PDZRN4: variants seen among roughly 807,000 people sequenced by gnomAD.
PDZRN4 encodes the protein PDZ domain-containing RING finger protein 4.
A neutral mutation model predicts 99.0 loss-of-function variants in PDZRN4; 70 were observed. That is an observed-to-expected ratio of 0.71 (90% CI 0.58 to 0.86). PDZRN4 has a LOEUF of 0.86. PDZRN4 is among the 40% of genes least tolerant of loss of function. The probability of loss-of-function intolerance (pLI) is 0.00; values close to 1 mark genes in which losing one functional copy is unlikely to be tolerated. For synonymous variants in PDZRN4, 551 were observed against 501.6 expected (o/e 1.10, Z -1.32); for missense variants, 1,474 against 1,331.2 (o/e 1.11, Z -1.67).
chr12:41,564,031 A>G (rs549245949), intron 8 of PDZRN4, among the ~76,000 whole-genome samples: 10 of 152,300 alleles, frequency 6.6e-5, no homozygotes, highest in Non-Finnish European at 1.2e-4. Context: ...CAAATGAAAA[A>G]TGGCTGTGTG....
intron 3 of PDZRN4, among the ~76,000 whole-genome samples, chr12:41,372,002 A>G (rs753273571): frequency 6.6e-6 from 1 of 152,132 alleles, no homozygotes; most frequent in South Asian, 2.1e-4. Context: ...CTCCTGAGGA[A>G]TGTATTCACC....
chr12:41,282,569 A>G (rs925020145), intron 3 of PDZRN4, among the ~76,000 whole-genome samples: 1 of 152,226 alleles, frequency 6.6e-6, no homozygotes, highest in Non-Finnish European at 1.5e-5. Flanking sequence ...CAGAATATGC[A>G]TTCTTCTCAG....
chr12:41,555,548 GT>G, intron 6 of PDZRN4, 149 bp from the exon 7 acceptor site: 2 of 570,626 alleles, frequency 3.5e-6, no homozygotes, highest in South Asian at 2.8e-5. Flanking sequence ...GAATCAATGA[GT>G]TTTGTTGGAG....
intron 3 of PDZRN4, among the ~76,000 whole-genome samples, chr12:41,503,198 G>A (rs1430683682): frequency 6.6e-6 from 1 of 152,072 alleles, no homozygotes; most frequent in Admixed American, 6.6e-5. Context: ...GCATTTAAAG[G>A]TCATAGACTT....
intron 3 of PDZRN4, among the ~76,000 whole-genome samples, chr12:41,445,838 G>A (rs560186370): frequency 6.6e-6 from 1 of 152,192 alleles, no homozygotes; most frequent in Admixed American, 6.6e-5. Flanking sequence ...TGAATTTAGA[G>A]TAGCACTGGG....
At chr12:41,347,652 TCTAA>T (rs34716014) in intron 3 of PDZRN4, among the ~76,000 whole-genome samples, 44,281 of 151,820 alleles carry the variant, frequency 0.29, 7,353 homozygotes, top group Non-Finnish European at 0.39. Flanking sequence ...ATTTTGACAG[TCTAA>T]CTAATGTATA....
intron 3 of PDZRN4, among the ~76,000 whole-genome samples, chr12:41,288,001 T>A (rs917568690): frequency 6.6e-6 from 1 of 152,226 alleles, no homozygotes; most frequent in Non-Finnish European, 1.5e-5. Context: ...TATTGAAGCA[T>A]GTTAACAGCT....
chr12:41,533,907 T>C (rs1026786915), intron 5 of PDZRN4, among the ~76,000 whole-genome samples: 1 of 152,312 alleles, frequency 6.6e-6, no homozygotes, highest in South Asian at 2.1e-4. Flanking sequence ...TTTATGTGAA[T>C]TGATTGACTA....
intron 3 of PDZRN4, among the ~76,000 whole-genome samples, chr12:41,361,085 G>T (rs1441910512): frequency 6.6e-6 from 1 of 151,860 alleles, no homozygotes; most frequent in Non-Finnish European, 1.5e-5. Flanking sequence ...TGCCTTTACA[G>T]CATGGATTTC....
intron 3 of PDZRN4, among the ~76,000 whole-genome samples, chr12:41,428,172 C>T (rs940477101): frequency 1.3e-5 from 2 of 152,106 alleles, no homozygotes; most frequent in African/African-American, 4.8e-5. Flanking sequence ...TTTATCTGTA[C>T]TTGGTTATAT....
chr12:41,315,358 C>T (rs746213468), intron 3 of PDZRN4, among the ~76,000 whole-genome samples: 2 of 152,044 alleles, frequency 1.3e-5, no homozygotes, highest in Non-Finnish European at 2.9e-5. Context: ...TTTTTTCCCA[C>T]TCTTGTTTAT....
chr12:41,558,239 A>G lies in PDZRN4; in HGVS notation c.1365+2479A>G, dbSNP rs141829759. Among the ~76,000 whole-genome samples the G allele has an allele frequency of 3.0e-4, 46 of 152,340 alleles. No individual in the cohort carries two copies. The East Asian group carries it at 5.8e-3, about 19-fold the overall frequency. ...CATCCAGCATTCATTCCACAATACT[A>G]TAATAGAGTAAAATGCTCAGTGATT... On this transcript the variant is annotated intron_variant, in intron 7 of 9. Transcript: ENST00000402685.
intron 3 of PDZRN4, among the ~76,000 whole-genome samples, chr12:41,357,496 T>A (rs1318602422): frequency 6.6e-6 from 1 of 151,984 alleles, no homozygotes; most frequent in East Asian, 1.9e-4. Context: ...GTCTCAGACT[T>A]ATCTAGGGGC....
chr12:41,548,149 T>C (rs1938989900), intron 5 of PDZRN4, among the ~76,000 whole-genome samples: 1 of 152,188 alleles, frequency 6.6e-6, no homozygotes, highest in South Asian at 2.1e-4. Flanking sequence ...AGTTGGAGGG[T>C]GCAAACCTGA....
intron 3 of PDZRN4, among the ~76,000 whole-genome samples, chr12:41,434,622 G>A (rs571703560): frequency 3.9e-5 from 6 of 152,150 alleles, no homozygotes; most frequent in South Asian, 4.2e-4. Context: ...CCTCTTATAC[G>A]TCAGTCTAGA....
At chr12:41,474,545 A>G (rs1218140649) in intron 3 of PDZRN4, among the ~76,000 whole-genome samples, 1 of 152,244 alleles carries the variant, frequency 6.6e-6, no homozygotes, top group Non-Finnish European at 1.5e-5. Flanking sequence ...ACTCAAACAC[A>G]GGAGGCTTTG....
At chr12:41,249,053 C>T (rs1277009722) in intron 3 of PDZRN4, among the ~76,000 whole-genome samples, 1 of 152,222 alleles carries the variant, frequency 6.6e-6, no homozygotes, top group East Asian at 1.9e-4. Flanking sequence ...GTAAAAGCTT[C>T]TTGGTTATTA....
rs775179214 is a variant in PDZRN4 at position 41,509,846 on chromosome 12, A to G, written c.1136A>G (p.Tyr379Cys). ...HSLHPMEHEFYEDNEYISSLP... is the reference protein window; with the variant it reads ...HSLHPMEHEFCEDNEYISSLP... ...CTACATCCAATGGAGCATGAATTTTATGAGGACAATGAGTATATTTCCAGC... is the reference window on the plus strand; with the variant it reads ...CTACATCCAATGGAGCATGAATTTTGTGAGGACAATGAGTATATTTCCAGC... The change falls in exon 5 of 10, where the codon TAT becomes TGT. Residue 379 changes from tyrosine (Y) to cysteine (C), a missense_variant. By Grantham distance (194) the Tyr-to-Cys change is radical. Coordinates refer to ENST00000402685, the MANE Select transcript of PDZRN4 (RefSeq NM_001164595.2). 6.2e-7 allele frequency: 1 copy of G among 1,600,866 alleles called. No homozygotes were observed. The highest frequency in any genetic ancestry group is 8.5e-7 in the Non-Finnish European group (1 of 1,170,762).
chr12:41,513,771 C>T (rs752673297), intron 5 of PDZRN4, among the ~76,000 whole-genome samples: 1 of 151,884 alleles, frequency 6.6e-6, no homozygotes, highest in African/African-American at 2.4e-5. Flanking sequence ...ATCTTTTTGC[C>T]CAACTCCTAA....
Sources: gnomAD v4.1 joint callset for allele counts (sites outside exome capture counted in the v4.1 genomes callset) on GRCh38, gnomAD v4.1.1 for gene constraint, MANE v1.5 for transcripts, NCBI Gene and HGNC (gene_info 2026-07-23, HGNC 2026-07-21) for gene names.